PTPRD: variants seen among roughly 807,000 people sequenced by gnomAD.
The protein encoded by PTPRD is receptor-type tyrosine-protein phosphatase delta.
In PTPRD, 34 loss-of-function variants were observed where a neutral mutation model predicts 214.5. The ratio of observed to expected loss-of-function variants is 0.16; its 90% CI spans 0.12 to 0.21. PTPRD has a LOEUF of 0.21. Among genes scored for constraint, PTPRD ranks in the 10% least tolerant of loss-of-function variants. PTPRD has a pLI of 1.00. For missense variants in PTPRD, 2,545 were observed against 2,398.7 expected (o/e 1.06, Z -1.27); for synonymous variants, 1,128 against 845.7 (o/e 1.33, Z -5.79).
At chr9:10,100,647 CAG>C (rs1232753844) in intron 3 of PTPRD, among the ~76,000 whole-genome samples, 10 of 151,442 alleles carry the variant, frequency 6.6e-5, no homozygotes, top group Admixed American at 1.3e-4. Flanking sequence ...CTAATGGTAA[CAG>C]AAATAAAAAT....
At chr9:8,989,225 C>T (rs540402550) in intron 11 of PTPRD, among the ~76,000 whole-genome samples, 4 of 152,068 alleles carry the variant, frequency 2.6e-5, no homozygotes, top group South Asian at 2.1e-4. Flanking sequence ...GGAATCATTG[C>T]AATTCTCTTC....
At chr9:9,030,700 G>T (rs1460408594) in intron 10 of PTPRD, among the ~76,000 whole-genome samples, 1 of 151,730 alleles carries the variant, frequency 6.6e-6, no homozygotes, top group African/African-American at 2.4e-5. Context: ...TTTATCCATT[G>T]TTTTTCTGTA....
chr9:10,154,249 T>G (rs566637627), intron 3 of PTPRD, among the ~76,000 whole-genome samples: 68 of 152,300 alleles, frequency 4.5e-4, no homozygotes, highest in African/African-American at 1.5e-3. Flanking sequence ...TTTATATGGT[T>G]GTTGGCTGCA....
At chr9:10,244,203 G>C (rs1366576114) in intron 3 of PTPRD, among the ~76,000 whole-genome samples, 2 of 151,908 alleles carry the variant, frequency 1.3e-5, no homozygotes, top group Non-Finnish European at 1.5e-5. Flanking sequence ...CTCCCTTACA[G>C]TGTTAGTCAT....
At chr9:9,234,361 C>G (rs180917182) in intron 9 of PTPRD, among the ~76,000 whole-genome samples, 3 of 152,138 alleles carry the variant, frequency 2.0e-5, no homozygotes, top group African/African-American at 7.2e-5. Flanking sequence ...CTGGGCCCAG[C>G]CCATGAAACC....
chr9:9,043,899 G>C (rs1241437674), intron 10 of PTPRD, among the ~76,000 whole-genome samples: 1 of 140,982 alleles, frequency 7.1e-6, no homozygotes, highest in African/African-American at 2.7e-5. Context: ...GTGAGACCCT[G>C]TCTCAAAAAT....
At chr9:8,358,470 T>C (rs1341467870) in intron 39 of PTPRD, among the ~76,000 whole-genome samples, 3 of 152,202 alleles carry the variant, frequency 2.0e-5, no homozygotes, top group African/African-American at 7.2e-5. Flanking sequence ...AATTTAGAGA[T>C]ACTAACTCTG....
At chr9:9,105,938 G>T (rs1035872186) in intron 10 of PTPRD, among the ~76,000 whole-genome samples, 1 of 152,274 alleles carries the variant, frequency 6.6e-6, no homozygotes, top group African/African-American at 2.4e-5. Flanking sequence ...GGGAAGTGGA[G>T]GGAAGCATTC....
At chr9:10,039,614 G>A (rs2097258496) in intron 3 of PTPRD, among the ~76,000 whole-genome samples, 1 of 151,864 alleles carries the variant, frequency 6.6e-6, no homozygotes, top group African/African-American at 2.4e-5. Context: ...GGGTTAAAAT[G>A]TCCTAGCTAT....
intron 39 of PTPRD, among the ~76,000 whole-genome samples, chr9:8,358,464 T>C (rs976136750): frequency 1.3e-5 from 2 of 152,222 alleles, no homozygotes; most frequent in African/African-American, 4.8e-5. Flanking sequence ...TTATGGAATT[T>C]AGAGATACTA....
intron 14 of PTPRD, among the ~76,000 whole-genome samples, chr9:8,627,394 A>G (rs1250024343): frequency 6.6e-6 from 1 of 151,928 alleles, no homozygotes; most frequent in Non-Finnish European, 1.5e-5. Context: ...ATCAAAAATA[A>G]GTAGTGAGGC....
chr9:9,779,212 T>C (rs2098824249), intron 5 of PTPRD, among the ~76,000 whole-genome samples: 1 of 151,590 alleles, frequency 6.6e-6, no homozygotes, highest in Non-Finnish European at 1.5e-5. Flanking sequence ...ACTTGAGATG[T>C]ATTAATGATT....
At position 10,228,124 on chromosome 9, in the gene PTPRD, G is replaced by A. The variant is rs527501137; in HGVS notation, c.-545+112839C>T. Among the ~76,000 whole-genome samples, 18 of 148,172 alleles carry A rather than the reference G, an allele frequency of 1.2e-4. No homozygotes were observed. In the East Asian group the frequency reaches 3.2e-3, roughly 26 times the overall value. ...ACTTAAAACTTTAAAAAAAGAGAGA[G>A]AAAATATCCAAAGTTCTAGATACTT... On this transcript the variant is annotated intron_variant, in intron 3 of 45. Transcript: ENST00000381196.
chr9:9,024,348 G>GTTTTTTTTTTTTTTTTT (rs752607769), intron 10 of PTPRD, among the ~76,000 whole-genome samples: 1 of 64,172 alleles, frequency 1.6e-5, no homozygotes, highest in Non-Finnish European at 3.8e-5. Flanking sequence ...GTTTTTTTTT[G>GTTTTTTTTTTTTTTTTT]TTTGTTTTTT....
chr9:10,241,871 T>C lies in PTPRD; in HGVS notation c.-545+99092A>G, dbSNP rs868365484. On this transcript the variant is annotated intron_variant, in intron 3 of 45. Coordinates refer to ENST00000381196, the MANE Select transcript of PTPRD (RefSeq NM_002839.4). ...ATGATACTGCAATAAAGCTGTAAAG[T>C]TGATATTCTATGAAGGTAAGTTGTT... Among the ~76,000 whole-genome samples, 7 of 152,084 alleles carry C rather than the reference T, an allele frequency of 4.6e-5. 1 individual carries two copies. The Middle Eastern group carries it at 0.01, about 222-fold the overall frequency.
At chr9:9,061,867 C>G (rs1214535266) in intron 10 of PTPRD, among the ~76,000 whole-genome samples, 1 of 152,050 alleles carries the variant, frequency 6.6e-6, no homozygotes. Context: ...AGTTGTCAAA[C>G]TCAAATAATC....
intron 2 of PTPRD, among the ~76,000 whole-genome samples, chr9:10,374,419 C>G (rs1398206282): frequency 1.3e-5 from 2 of 152,058 alleles, no homozygotes; most frequent in African/African-American, 4.8e-5. Flanking sequence ...TCCCTTGATA[C>G]TCTTTCAGGG....
At chr9:8,859,297 A>G (rs895432229) in intron 11 of PTPRD, among the ~76,000 whole-genome samples, 1 of 152,192 alleles carries the variant, frequency 6.6e-6, no homozygotes, top group Admixed American at 6.5e-5. Flanking sequence ...TTGTTGGGCT[A>G]TGCACTCTTC....
intron 11 of PTPRD, among the ~76,000 whole-genome samples, chr9:9,004,786 G>A (rs1167979132): frequency 6.6e-6 from 1 of 152,040 alleles, no homozygotes; most frequent in East Asian, 1.9e-4. Context: ...TATAGCAAGA[G>A]CAGAGGAACT....
Sources: allele counts gnomAD v4.1 joint callset (sites outside exome capture counted in the v4.1 genomes callset), GRCh38; gene constraint gnomAD v4.1.1; transcripts MANE v1.5; gene names NCBI Gene and HGNC (gene_info 2026-07-23, HGNC 2026-07-21).